The following GAS2 variants were observed in gnomAD, a reference collection of about 807,000 sequenced individuals.
GAS2 encodes the protein growth arrest-specific protein 2.
GAS2 carries 20 observed loss-of-function variants against 37.5 expected under a neutral mutation model. That is an observed-to-expected ratio of 0.53 (90% CI 0.37 to 0.77). The LOEUF (loss-of-function observed/expected upper bound fraction) is 0.77, where lower values mean the gene tolerates loss of function less well. GAS2 is among the 30% of genes least tolerant of loss of function. The pLI is 0.00. For missense variants in GAS2, 336 were observed against 373.4 expected (o/e 0.90, Z 0.82); for synonymous variants, 144 against 132.2 (o/e 1.09, Z -0.61).
chr11:22,711,773 C>T (rs1042944076), intron 3 of GAS2, among the ~76,000 whole-genome samples: 1 of 152,152 alleles, frequency 6.6e-6, no homozygotes, highest in Non-Finnish European at 1.5e-5. Flanking sequence ...GCAGCAGAGG[C>T]AGCCATAATC....
Position 22,685,773 on chromosome 11 carries a change from C to G in GAS2, c.251C>G (p.Ala84Gly). The change falls in exon 3 of 8, where the codon GCT becomes GGT. Residue 84 changes from alanine to glycine, a missense_variant. Transcript: ENST00000454584. ...MQEKFKESMD[A>G]NKPTKNLPLK... ...GAGAAATTCAAGGAGAGCATGGATG[C>G]TAACAAGCCCACAAAGGTAAAAGAT... is the stretch of plus-strand genomic sequence containing the variant. 2 of 1,612,536 alleles carry G rather than the reference C, an allele frequency of 1.2e-6. No homozygotes were observed. Among genetic ancestry groups the G allele is most frequent in the Non-Finnish European group, 8.5e-7 (1 of 1,179,298 alleles).
At chr11:22,782,738 A>AT (rs1239836321) in intron 7 of GAS2, among the ~76,000 whole-genome samples, 3 of 149,212 alleles carry the variant, frequency 2.0e-5, no homozygotes, top group Non-Finnish European at 4.4e-5. Flanking sequence ...AAAAAAAAAA[A>AT]AAATAATAAT....
At chr11:22,770,158 G>A (rs1854903606) in intron 7 of GAS2, among the ~76,000 whole-genome samples, 1 of 152,130 alleles carries the variant, frequency 6.6e-6, no homozygotes, top group African/African-American at 2.4e-5. Flanking sequence ...AGTAGGGGAG[G>A]TGAGGTGAGG....
intron 7 of GAS2, among the ~76,000 whole-genome samples, chr11:22,781,636 G>A (rs1426737731): frequency 6.6e-6 from 1 of 152,136 alleles, no homozygotes; most frequent in Non-Finnish European, 1.5e-5. Flanking sequence ...AACCTTGATT[G>A]AAAGAAAATC....
chr11:22,647,073 TCC>T (rs1282554946), intron 1 of GAS2, among the ~76,000 whole-genome samples: 1 of 75,980 alleles, frequency 1.3e-5, no homozygotes. Context: ...CCTTCCCCCC[TCC>T]CCCCACCCCA....
chr11:22,686,642 C>G (rs909016284), intron 3 of GAS2, among the ~76,000 whole-genome samples: 1 of 142,620 alleles, frequency 7.0e-6, no homozygotes, highest in Non-Finnish European at 1.5e-5. Flanking sequence ...CCCAGCTACT[C>G]AGGAGGCTGA....
chr11:22,804,509 G>A (rs749018250), intron 7 of GAS2, among the ~76,000 whole-genome samples: 87 of 152,094 alleles, frequency 5.7e-4, no homozygotes, highest in Non-Finnish European at 1.1e-3. Context: ...GAGGTAGAGG[G>A]CAGAAGCAAA....
chr11:22,685,904 A>G (rs768491117), intron 3 of GAS2, 115 bp downstream of exon 3: 280 of 920,054 alleles, frequency 3.0e-4, no homozygotes, highest in Non-Finnish European at 4.0e-4. Context: ...GGTCTATACT[A>G]ACAACAAAGT....
intron 3 of GAS2, among the ~76,000 whole-genome samples, chr11:22,715,753 G>A (rs925718443): frequency 6.6e-6 from 1 of 152,080 alleles, no homozygotes; most frequent in Non-Finnish European, 1.5e-5. Context: ...ATTTGTAGCT[G>A]AATTTTATCA....
In GAS2 at chr11:22,633,715, A is replaced by G. The variant is rs150424821; in HGVS notation, c.-21+7902A>G. ...TCAGGGTGAAGGGAGGAGCCACTGT[A>G]GTTCCCCAACCAGGCCAGCAGGAAA... On this transcript the variant is annotated intron_variant, in intron 1 of 5. Coordinates refer to the GAS2 transcript ENST00000528582. Among the ~76,000 whole-genome samples, 821 of 152,290 alleles carry G rather than the reference A, an allele frequency of 5.4e-3. 4 individuals carry two copies. Among genetic ancestry groups the G allele is most frequent in the African/African-American group, 0.019 (785 of 41,564 alleles).
chr11:22,803,520 G>A (rs559625383), intron 7 of GAS2, among the ~76,000 whole-genome samples: 2 of 152,034 alleles, frequency 1.3e-5, no homozygotes, highest in African/African-American at 2.4e-5. Context: ...AGAATATGTG[G>A]GTATGTTTTA....
chr11:22,717,970 G>T (rs1851760639), intron 3 of GAS2, among the ~76,000 whole-genome samples: 1 of 151,982 alleles, frequency 6.6e-6, no homozygotes, highest in Non-Finnish European at 1.5e-5. Context: ...AAAAATAATA[G>T]ATGTTGGCAT....
chr11:22,731,086 C>T (rs1852451486), intron 4 of GAS2, among the ~76,000 whole-genome samples: 1 of 151,662 alleles, frequency 6.6e-6, no homozygotes, highest in South Asian at 2.1e-4. Context: ...AAGTAACTAA[C>T]CATTTTCTTA....
chr11:22,770,888 G>A (rs1270125815), intron 7 of GAS2, among the ~76,000 whole-genome samples: 3 of 152,096 alleles, frequency 2.0e-5, no homozygotes, highest in Admixed American at 1.3e-4. Context: ...CATTGAAGAC[G>A]GAGAGCATTT....
At chr11:22,794,563 C>A (rs879746991) in intron 7 of GAS2, among the ~76,000 whole-genome samples, 1 of 152,100 alleles carries the variant, frequency 6.6e-6, no homozygotes, top group Non-Finnish European at 1.5e-5. Context: ...TTTCTATTTG[C>A]TCAACATCAT....
intron 2 of GAS2, 69 bp downstream of exon 2, chr11:22,675,083 T>C: frequency 6.8e-7 from 1 of 1,473,922 alleles, no homozygotes; most frequent in Non-Finnish European, 9.2e-7. Flanking sequence ...TCCTGTAGTG[T>C]CCTTCACCTA....
chr11:22,765,266 G>A (rs1415552219), intron 7 of GAS2, among the ~76,000 whole-genome samples: 1 of 152,058 alleles, frequency 6.6e-6, no homozygotes, highest in Non-Finnish European at 1.5e-5. Context: ...AATATATACA[G>A]AAATATATGT....
At chr11:22,737,577 A>T in intron 4 of GAS2, 128 bp from the exon 5 acceptor site, 2 of 831,216 alleles carry the variant, frequency 2.4e-6, no homozygotes, top group Non-Finnish European at 4.2e-6. Context: ...GATGGGTTCT[A>T]TGACTGTCAG....
At position 22,758,913 on chromosome 11, in the gene GAS2, CAAA is replaced by C. The variant is rs66871964; in HGVS notation, c.723+2972_723+2974del. 5.5e-4 allele frequency among the ~76,000 whole-genome samples: 40 copies of C among 73,314 alleles called. 1 individual carries two copies. The highest frequency in any genetic ancestry group is 2.5e-3 in the South Asian group (4 of 1,582). The allele number at this position is 73,314 out of a possible 152,430, so 48.1% of individuals were successfully genotyped here. A position where few individuals can be genotyped will look rare whatever the true frequency, so the allele number is the denominator to read the frequency against. On this transcript the variant is annotated intron_variant, in intron 7 of 7. Transcript: ENST00000454584. ...GGACAACAAGAGCAAAACTCCGTCT[CAAA>C]AAAAAAAAAAAGAGAAAGTCATAGA...
Sources: allele counts gnomAD v4.1 joint callset (sites outside exome capture counted in the v4.1 genomes callset), GRCh38; gene constraint gnomAD v4.1.1; transcripts MANE v1.5; gene names NCBI Gene and HGNC (gene_info 2026-07-23, HGNC 2026-07-21).